Variants in KRT76 observed in about 807,000 individuals in gnomAD.
KRT76 encodes keratin 76, also known as keratin, type II cytoskeletal 2 oral.
A neutral mutation model predicts 44.9 loss-of-function variants in KRT76; 47 were observed. The ratio of observed to expected loss-of-function variants is 1.05; its 90% CI spans 0.83 to 1.33. The LOEUF (loss-of-function observed/expected upper bound fraction) is 1.33, where lower values mean the gene tolerates loss of function less well. Among genes scored for constraint, KRT76 ranks in the 40% most tolerant of loss-of-function variants. The pLI is 0.00. For synonymous variants in KRT76, 331 were observed against 294.1 expected, an observed-to-expected ratio of 1.13 and a Z score of -1.28; for missense variants, 860 against 775.8, an observed-to-expected ratio of 1.11 and a Z score of -1.29.
Position 52,775,437 on chromosome 12 carries a change from C to T in KRT76, c.766G>A (p.Glu256Lys), listed in dbSNP as rs2121197536. 6.2e-7 allele frequency: 1 copy of T among 1,614,182 alleles called. No individual in the cohort carries two copies. The highest frequency in any genetic ancestry group is 8.5e-7 in the Non-Finnish European group (1 of 1,180,014). ...DSLLGERGNL[E>K]GELKSMQDLV... ...TCCTGCATGCTTTTCAGCTCTCCCT[C>T]CAGGTTCCCCCTCTCCCCTAGAAGT... Residue 256 changes from glutamate to lysine, a missense_variant, in exon 2 of 9, where the codon GAG becomes AAG. Physicochemically the swap from Glu to Lys is moderately conservative, Grantham distance 56. Transcript: ENST00000332411.
intron 3 of KRT76, 71 bp downstream of exon 3, chr12:52,773,511 G>A (rs938610164): frequency 3.7e-6 from 4 of 1,086,200 alleles, no homozygotes; most frequent in Non-Finnish European, 5.6e-6. Context: ...CAGAACAGCT[G>A]GCTGTGCACT....
At chr12:52,775,304 T>C in intron 2 of KRT76, 84 bp downstream of exon 2, 1 of 1,207,016 alleles carries the variant, frequency 8.3e-7, no homozygotes, top group East Asian at 2.3e-5. Flanking sequence ...GAAGGCACAG[T>C]TGGGAACAGT....
Position 52,776,819 on chromosome 12 carries a change from A to G in KRT76, c.473T>C (p.Val158Ala). Reference protein sequence around the residue: ...PGGFPGGIQEVIVNQSLLQPL... With the variant: ...PGGFPGGIQEAIVNQSLLQPL... ...CTGCAGGAGACTCTGGTTTACAATC[A>G]CTTCCTGAATTCCCCCAGGAAAGCC... The change falls in exon 1 of 9, where the codon GTG (valine) becomes GCG (alanine). Residue 158 changes from valine to alanine, a missense_variant. Transcript: ENST00000332411. 6.2e-7 allele frequency: 1 copy of G among 1,613,976 alleles called. No homozygotes were observed.
rs201429050 is a variant in KRT76 at position 52,768,887 on chromosome 12, A to G, written c.1743T>C (p.Ser581=). 1.9e-6 allele frequency: 3 copies of G among 1,613,174 alleles called. No homozygotes were observed. The African/African-American group carries it at 4.0e-5, about 22-fold the overall frequency. The change falls in exon 9 of 9, where the codon AGT becomes AGC. Residue 581 remains serine, a synonymous_variant. Coordinates refer to ENST00000332411, the MANE Select transcript of KRT76 (RefSeq NM_015848.4). ...TACCTGCACCGCCGAGCCTGCTCCC[A>G]CTACTGCTGCTCTGGTAGCTCCCGC... ...GSSGSYQSSS[S]GSRLGGAGSI... is the part of the protein sequence containing the mutation.
At chr12:52,771,249 C>T (rs1227357050) in intron 6 of KRT76, 30 bp from the exon 7 acceptor site, 1 of 1,605,044 alleles carries the variant, frequency 6.2e-7, no homozygotes, top group African/African-American at 1.3e-5. Context: ...AGCATAGTGA[C>T]CCGGAAACAA....
At chr12:52,771,351 G>C (rs1013757245) in intron 6 of KRT76, 132 bp from the exon 7 acceptor site, 9 of 879,430 alleles carry the variant, frequency 1.0e-5, no homozygotes, top group Non-Finnish European at 1.6e-5. Flanking sequence ...CATGCTCAGA[G>C]AAAAGAAGTC....
At position 52,773,601 on chromosome 12, in the gene KRT76, T is replaced by C; in HGVS notation, c.857A>G (p.Glu286Gly). The change falls in exon 3 of 9, where the codon GAG becomes GGG. Residue 286 changes from glutamate (E) to glycine (G), a missense_variant. Physicochemically the swap from Glu to Gly is moderately conservative, Grantham distance 98. Transcript: ENST00000332411. ...ACCTACCTTCTTGAGCCCCACAAAC[T>C]CATTCTCTGCGGCAGTGCGTTTGTT... ...EINKRTAAENEFVGLKKDVDA... is the reference protein window; with the variant it reads ...EINKRTAAENGFVGLKKDVDA... 2 of 1,613,292 alleles carry C rather than the reference T, an allele frequency of 1.2e-6. No homozygotes were observed. The highest frequency in any genetic ancestry group is 1.7e-6 in the Non-Finnish European group (2 of 1,179,422).
chr12:52,772,644 C>T (rs1169210417), intron 4 of KRT76, 139 bp downstream of exon 4: 3 of 705,728 alleles, frequency 4.3e-6, no homozygotes, highest in Non-Finnish European at 7.6e-6. Flanking sequence ...GCTCAGTTAA[C>T]ATTTCCCAGG....
At chr12:52,772,476 T>C (rs1939201899) in intron 4 of KRT76, among the ~76,000 whole-genome samples, 1 of 152,226 alleles carries the variant, frequency 6.6e-6, no homozygotes, top group African/African-American at 2.4e-5. Flanking sequence ...AGCCTGAAAG[T>C]ATCAGCCAAT....
In KRT76 at chr12:52,777,154, G is replaced by A; in HGVS notation, c.138C>T (p.Phe46=). The A allele has an allele frequency of 6.2e-7, 1 of 1,614,198 alleles. No homozygotes were observed. The highest frequency in any genetic ancestry group is 1.1e-5 in the South Asian group (1 of 91,076). Residue 46 remains phenylalanine (F), a synonymous_variant, in exon 1 of 9, where the codon TTC becomes TTT. Transcript: ENST00000332411. ...TGCCAAAGCTGCCTGCTCCGCTCCTGAAGCCACAGGCCCCTCCACCAGCTC... is the reference window on the plus strand; with the variant it reads ...TGCCAAAGCTGCCTGCTCCGCTCCTAAAGCCACAGGCCCCTCCACCAGCTC... ...SGGAGGGACG[F]RSGAGSFGSR... is the part of the protein sequence containing the mutation.
chr12:52,770,929 C>A, intron 7 of KRT76, 70 bp downstream of exon 7: 1 of 1,593,764 alleles, frequency 6.3e-7, no homozygotes, highest in Non-Finnish European at 8.6e-7. Context: ...TATCATCTTG[C>A]CCCCTTTCCA....
Position 52,769,012 on chromosome 12 carries a change from C to T in KRT76, c.1618G>A (p.Gly540Ser), listed in dbSNP as rs201843810. The T allele has an allele frequency of 1.1e-5, 10 of 885,734 alleles. No homozygotes were observed. The highest frequency in any genetic ancestry group is 6.9e-5 in the African/African-American group (4 of 58,346). 54.9% of individuals were successfully genotyped at this position (885,734 alleles called of 1,614,324 possible). The stretch of plus-strand genomic sequence containing the variant: ...CCACTGCTGCTGCTGCTGCTGCTGC[C>T]GCCTTTGTAGCCACCACTGCCACTG... ...SGSGSGGYKG[G>S]SSSSSSSGYG... The change falls in exon 9 of 9, where the codon GGC (glycine) becomes AGC (serine). Residue 540 changes from glycine to serine, a missense_variant. By Grantham distance (56) the Gly-to-Ser change is moderately conservative (BLOSUM62 0). Transcript: ENST00000332411.
intron 2 of KRT76, 103 bp downstream of exon 2, chr12:52,775,285 G>A: frequency 1.0e-6 from 1 of 977,076 alleles, no homozygotes; most frequent in Non-Finnish European, 1.6e-6. Context: ...CCATCCCAGA[G>A]TATTGACTGA....
rs1444147616 is a variant in KRT76, at chr12:52,775,370, C to T, written c.815+18G>A. The T allele has an allele frequency of 6.8e-6, 11 of 1,612,310 alleles. No individual in the cohort carries two copies. The highest frequency in any genetic ancestry group is 9.3e-6 in the Non-Finnish European group (11 of 1,178,418). The stretch of plus-strand genomic sequence containing the variant: ...GCTAATTCCCCAGAAGGGGAAACTT[C>T]CCAGGAGGAGCCCTCACTTCTTTTT... On this transcript the variant is annotated intron_variant, in intron 2 of 8. Coordinates refer to ENST00000332411, the MANE Select transcript of KRT76 (RefSeq NM_015848.4).
chr12:52,774,115 A>C (rs546244415), intron 2 of KRT76, among the ~76,000 whole-genome samples: 3 of 152,188 alleles, frequency 2.0e-5, no homozygotes, highest in Non-Finnish European at 4.4e-5. Flanking sequence ...TACAGGCATG[A>C]TTGAAATTCT....
Position 52,776,991 on chromosome 12 carries a change from T to G in KRT76, c.301A>C (p.Ser101Arg). Residue 101 changes from serine to arginine, a missense_variant, in exon 1 of 9, where the codon AGC becomes CGC. Coordinates refer to ENST00000332411, the MANE Select transcript of KRT76 (RefSeq NM_015848.4). ...CCACCACCAAAGCCACCACCATAGCTGCCCCCAAAGCCACCTCCATAGCCA... is the reference window on the plus strand; with the variant it reads ...CCACCACCAAAGCCACCACCATAGCGGCCCCCAAAGCCACCTCCATAGCCA... ...AGGYGGGFGG[S>R]YGGGFGGGRG... The G allele has an allele frequency of 6.2e-7, 1 of 1,613,786 alleles. No individual in the cohort carries two copies. Among genetic ancestry groups the G allele is most frequent in the Non-Finnish European group, 8.5e-7 (1 of 1,179,850 alleles).
chr12:52,772,841 T>G lies in KRT76; in HGVS notation c.914A>C (p.Gln305Pro). The G allele has an allele frequency of 6.2e-7, 1 of 1,614,126 alleles. No individual in the cohort carries two copies. Residue 305 changes from glutamine (Q) to proline (P), a missense_variant, in exon 4 of 9, where the codon CAG (glutamine) becomes CCG (proline). Gln to Pro is a moderately conservative substitution (Grantham distance 76). Transcript: ENST00000332411. ...ATCTGTCAGGCTGTCCACTTTGGCC[T>G]GCAGCTCCACCTTGTTCATGAAAGC... ...DAAFMNKVEL[Q>P]AKVDSLTDEV...
intron 7 of KRT76, among the ~76,000 whole-genome samples, chr12:52,770,369 T>A (rs1396153431): frequency 6.6e-6 from 1 of 152,196 alleles, no homozygotes; most frequent in East Asian, 1.9e-4. Flanking sequence ...AGCAGAAAGA[T>A]CTCTCAATTC....
At chr12:52,773,845 T>C (rs1380295619) in intron 2 of KRT76, among the ~76,000 whole-genome samples, 1 of 151,420 alleles carries the variant, frequency 6.6e-6, no homozygotes, top group East Asian at 1.9e-4. Flanking sequence ...TTTTTTTTTT[T>C]TTCTGAGACA....
Sources: gnomAD v4.1 joint callset for allele counts (sites outside exome capture counted in the v4.1 genomes callset) on GRCh38, gnomAD v4.1.1 for gene constraint, MANE v1.5 for transcripts, NCBI Gene and HGNC (gene_info 2026-07-23, HGNC 2026-07-21) for gene names.